Variants in RBM33 observed in about 807,000 individuals in gnomAD.
RBM33 encodes RNA-binding protein 33.
RBM33 carries 28 observed loss-of-function variants against 132.6 expected under a neutral mutation model. The observed-to-expected ratio is 0.21, with a 90% confidence interval of 0.16 to 0.29. RBM33 has a LOEUF of 0.29. Among genes scored for constraint, RBM33 ranks in the 10% least tolerant of loss-of-function variants. RBM33 has a pLI of 1.00. For synonymous variants in RBM33, 634 were observed against 593.0 expected, an observed-to-expected ratio of 1.07 and a Z score of -1.01; for missense variants, 1,291 against 1,518.5, an observed-to-expected ratio of 0.85 and a Z score of 2.49.
At chr7:155,730,903 G>A (rs1157989222) in intron 9 of RBM33, among the ~76,000 whole-genome samples, 1 of 152,218 alleles carries the variant, frequency 6.6e-6, no homozygotes, top group Non-Finnish European at 1.5e-5. Context: ...AAATCTTCCA[G>A]GGAATCTGAT....
intron 13 of RBM33, among the ~76,000 whole-genome samples, chr7:155,744,158 T>C (rs1016080678): frequency 3.3e-5 from 5 of 152,228 alleles, no homozygotes; most frequent in Non-Finnish European, 7.3e-5. Flanking sequence ...GTGAAATAGC[T>C]GAATTCTAGA....
Position 155,739,717 on chromosome 7 carries a change from G to T in RBM33, c.1740G>T (p.Gly580=). ...LPTHTQPNLQ[G]PLHPPLPPPH... is the part of the protein sequence containing the mutation. ...TTCTCTTTCTTTGGAAATGGAAGGG[G>T]CCGTTGCATCCTCCATTGCCCCCTC... Residue 580 remains glycine (G), a splice_region_variant and synonymous_variant, in exon 12 of 18, where the codon GGG becomes GGT. Transcript: ENST00000401878. 6.5e-7 allele frequency: 1 copy of T among 1,544,748 alleles called. No individual in the cohort carries two copies.
intron 3 of RBM33, among the ~76,000 whole-genome samples, chr7:155,673,401 A>ATT (rs1563137044): frequency 2.9e-5 from 1 of 34,900 alleles, no homozygotes; most frequent in African/African-American, 8.5e-5. Flanking sequence ...ATTTATATAT[A>ATT]TTGTGTGTGT....
At chr7:155,718,793 G>C (rs1012776980) in intron 9 of RBM33, among the ~76,000 whole-genome samples, 1 of 152,158 alleles carries the variant, frequency 6.6e-6, no homozygotes, top group Non-Finnish European at 1.5e-5. Flanking sequence ...GCACAGGCAC[G>C]TGTGTTTGTG....
intron 9 of RBM33, among the ~76,000 whole-genome samples, chr7:155,724,990 T>TTTTTTTTTG (rs71186056): frequency 7.3e-5 from 9 of 123,290 alleles, no homozygotes; most frequent in African/African-American, 3.0e-4. Flanking sequence ...GTGTACAGGT[T>TTTTTTTTTG]TGTGTGTGTG....
chr7:155,742,180 C>A (rs1801365316), intron 13 of RBM33, 74 bp downstream of exon 13: 1 of 1,347,714 alleles, frequency 7.4e-7, no homozygotes, highest in Non-Finnish European at 1.0e-6. Context: ...TGTCTTAGTT[C>A]ACTCTCACTA....
chr7:155,670,347 C>T lies in RBM33; in HGVS notation c.123-2520C>T, dbSNP rs116837886. Among the ~76,000 whole-genome samples the T allele has an allele frequency of 7.0e-3, 1,068 of 152,310 alleles. 18 individuals carry two copies. The highest frequency in any genetic ancestry group is 0.024 in the African/African-American group (1,004 of 41,574). ...TGCCAGCCAGAGTGACTGCTCACCC[C>T]TTTGAAACTGCCAGATGGAGACCAG... On this transcript the variant is annotated intron_variant, in intron 2 of 17. Transcript: ENST00000401878.
Position 155,739,835 on chromosome 7 carries a change from C to A in RBM33, c.1858C>A (p.Gln620Lys), listed in dbSNP as rs1585512607. 7.3e-7 allele frequency: 1 copy of A among 1,378,082 alleles called. No individual in the cohort carries two copies. Among genetic ancestry groups the A allele is most frequent in the Non-Finnish European group, 9.9e-7 (1 of 1,005,654 alleles). 85.4% of individuals were successfully genotyped at this position (1,378,082 alleles called of 1,614,324 possible). A position where few individuals can be genotyped will look rare whatever the true frequency, so the allele number is the denominator to read the frequency against. Residue 620 changes from glutamine (Q) to lysine (K), a missense_variant, in exon 12 of 18, where the codon CAG (glutamine) becomes AAG (lysine). By Grantham distance (53) the Gln-to-Lys change is moderately conservative. Around this residue, in one of 7 missense-constraint regions of RBM33, gnomAD observed 841 missense variants for 912.0 expected, o/e 0.92. Transcript: ENST00000401878. ...QPPHQPPPQH[Q>K]PPPQHPPQHP... ...CCCGCACCAGCCCCCGCCCCAGCAC[C>A]AGCCCCCACCCCAGCACCCACCACA...
chr7:155,651,921 G>C (rs963021355), intron 1 of RBM33, among the ~76,000 whole-genome samples: 1 of 152,200 alleles, frequency 6.6e-6, no homozygotes, highest in Admixed American at 6.5e-5. Context: ...TAACATAGGA[G>C]ATTTTTAAAA....
intron 2 of RBM33, among the ~76,000 whole-genome samples, chr7:155,672,241 A>T (rs1224291654): frequency 6.6e-6 from 1 of 152,140 alleles, no homozygotes; most frequent in Non-Finnish European, 1.5e-5. Flanking sequence ...AAGCTTAGAT[A>T]TGACTTACTA....
intron 5 of RBM33, chr7:155,684,788 G>T: frequency 1.2e-6 from 1 of 846,934 alleles, no homozygotes; most frequent in Admixed American, 3.0e-5. Context: ...CTGTTTCTGG[G>T]CCTGGTGCTT....
rs548338656 is a variant in RBM33 at position 155,644,737 on chromosome 7, G to C, written c.-140G>C. On this transcript the variant is annotated 5_prime_UTR_variant, in exon 1 of 18. Coordinates refer to ENST00000401878, the MANE Select transcript of RBM33 (RefSeq NM_053043.3). ...AGGCGAAGGGCCAGCTGTGGACCGC[G>C]AAGCGCCCGGCTTCGCCTCTGCCTC... is the stretch of plus-strand genomic sequence containing the variant. 3 of 643,770 alleles carry C rather than the reference G, an allele frequency of 4.7e-6. No individual in the cohort carries two copies. Among genetic ancestry groups the C allele is most frequent in the Non-Finnish European group, 7.3e-6 (3 of 411,354 alleles). The allele number at this position is 643,770 out of a possible 1,614,324, so 39.9% of individuals were successfully genotyped here.
At position 155,700,889 on chromosome 7, in the gene RBM33, AATT is replaced by A; in HGVS notation, c.689_691del (p.Ile230del). The stretch of plus-strand genomic sequence containing the variant: ...TCAAAACTGAAAGGAAAGAAGGAAC[AATT>A]ATTAGGCTCTCAGATGTAACTAGAG... On this transcript the variant is annotated inframe_deletion, in exon 6 of 18. Transcript: ENST00000401878. 6.2e-7 allele frequency: 1 copy of A among 1,613,146 alleles called. No individual in the cohort carries two copies. The highest frequency in any genetic ancestry group is 1.1e-5 in the South Asian group (1 of 90,720).
intron 9 of RBM33, among the ~76,000 whole-genome samples, chr7:155,721,687 GA>G (rs1436157199): frequency 6.6e-6 from 1 of 152,004 alleles, no homozygotes; most frequent in Non-Finnish European, 1.5e-5. Flanking sequence ...AAAAATTACA[GA>G]AATTGAGGCA....
intron 16 of RBM33, among the ~76,000 whole-genome samples, chr7:155,773,522 C>G (rs1225869495): frequency 7.0e-6 from 1 of 143,792 alleles, no homozygotes; most frequent in Non-Finnish European, 1.5e-5. Context: ...GAGCTGAGAT[C>G]CTGCCATTGC....
intron 9 of RBM33, among the ~76,000 whole-genome samples, chr7:155,734,793 C>T (rs1265057475): frequency 1.3e-5 from 2 of 152,076 alleles, no homozygotes; most frequent in East Asian, 1.9e-4. Context: ...ACCACCATTG[C>T]CAATTTGCGT....
chr7:155,704,005 G>A (rs1278045087), intron 6 of RBM33, among the ~76,000 whole-genome samples: 1 of 152,014 alleles, frequency 6.6e-6, no homozygotes, highest in Non-Finnish European at 1.5e-5. Context: ...TCTTTAAGAG[G>A]GAGAATCAAA....
intron 9 of RBM33, among the ~76,000 whole-genome samples, chr7:155,730,513 AT>A (rs1800925401): frequency 6.6e-6 from 1 of 152,154 alleles, no homozygotes; most frequent in Non-Finnish European, 1.5e-5. Flanking sequence ...GTAGGTACTA[AT>A]TGCTGTTTTG....
intron 14 of RBM33, among the ~76,000 whole-genome samples, chr7:155,763,102 C>T (rs760531954): frequency 1.3e-5 from 2 of 152,198 alleles, no homozygotes; most frequent in South Asian, 2.1e-4. Context: ...TAATAAAACA[C>T]AAAAGATAAG....
Sources: allele counts gnomAD v4.1 joint callset (sites outside exome capture counted in the v4.1 genomes callset), GRCh38; gene constraint gnomAD v4.1.1; regional missense constraint gnomAD v4.1.1; transcripts MANE v1.5; gene names NCBI Gene and HGNC (gene_info 2026-07-23, HGNC 2026-07-21).